The following TASOR variants were observed in gnomAD, a reference collection of about 807,000 sequenced individuals.
TASOR encodes transcription activation suppressor.
TASOR carries 53 observed loss-of-function variants against 178.6 expected under a neutral mutation model. The observed-to-expected ratio is 0.30, with a 90% CI of 0.24 to 0.37. The LOEUF is 0.37. Among genes scored for constraint, TASOR ranks in the 10% least tolerant of loss-of-function variants. TASOR has a pLI of 1.00. For synonymous variants in TASOR, 713 were observed against 696.2 expected, an observed-to-expected ratio of 1.02 and a Z score of -0.38; for missense variants, 1,815 against 1,971.4, an observed-to-expected ratio of 0.92 and a Z score of 1.50.
At chr3:56,658,656 C>G (rs1049082070) in intron 11 of TASOR, among the ~76,000 whole-genome samples, 7 of 152,110 alleles carry the variant, frequency 4.6e-5, no homozygotes, top group Non-Finnish European at 7.4e-5. Context: ...GTGGCTCACC[C>G]AACACTTTGG....
Position 56,624,894 on chromosome 3 carries a change from C to T in TASOR, c.4252G>A (p.Glu1418Lys), listed in dbSNP as rs777890605. The T allele has an allele frequency of 1.2e-6, 2 of 1,614,148 alleles. No homozygotes were observed. The highest frequency in any genetic ancestry group is 1.7e-6 in the Non-Finnish European group (2 of 1,180,028). The change falls in exon 22 of 24, where the codon GAA (glutamate) becomes AAA (lysine). Residue 1418 changes from glutamate (E) to lysine (K), a missense_variant. By Grantham distance (56) the Glu-to-Lys change is moderately conservative (BLOSUM62 1). Around this residue, in one of 5 missense-constraint regions of TASOR, gnomAD observed 134 missense variants for 195.2 expected, o/e 0.69. Transcript: ENST00000683822. ...TGAAGTCTGATAAGGCAATCCAATT[C>T]TGGAGCATTTCGAGTTTGTGAATCA... The part of the protein sequence containing the change: ...NCDSQTRNAP[E>K]LDCLIRLQAQ...
At chr3:56,669,860 T>C (rs1013450975) in intron 4 of TASOR, 69 bp from the exon 5 acceptor site, 9 of 1,173,400 alleles carry the variant, frequency 7.7e-6, no homozygotes, top group Middle Eastern at 2.0e-4. Context: ...AAATAAGACA[T>C]TTTTAAGAAG....
Position 56,633,912 on chromosome 3 carries a change from G to C in TASOR, c.2879C>G (p.Pro960Arg). 2 of 1,568,518 alleles carry C rather than the reference G, an allele frequency of 1.3e-6. No individual in the cohort carries two copies. Among genetic ancestry groups the C allele is most frequent in the Non-Finnish European group, 1.7e-6 (2 of 1,155,962 alleles). The stretch of plus-strand genomic sequence containing the variant: ...TCTATTTATTACCCGGGGGTCGTTA[G>C]GAAAGGCCTCCTGTGGTGGCACACA... ...LVCVPPQEAF[P>R]NDPRVINRQR... The change falls in exon 18 of 24, where the codon CCT (proline) becomes CGT (arginine). Residue 960 changes from proline to arginine, a missense_variant. Physicochemically the swap from Pro to Arg is moderately radical, Grantham distance 103. Coordinates refer to ENST00000683822, the MANE Select transcript of TASOR (RefSeq NM_001365635.2).
intron 6 of TASOR, among the ~76,000 whole-genome samples, chr3:56,667,914 A>T (rs17216754): frequency 0.049 from 7,475 of 152,330 alleles, 192 homozygotes; most frequent in East Asian, 0.091. Flanking sequence ...CTTAAAAAAT[A>T]GTTCTAGGTT....
In TASOR at chr3:56,621,166, A is replaced by AAAC. The variant is rs1457899481; in HGVS notation, c.*1868_*1870dup. 6.5e-6 allele frequency: 1 copy of AAAC among 154,700 alleles called. No individual in the cohort carries two copies. Among genetic ancestry groups the AAAC allele is most frequent in the Non-Finnish European group, 1.4e-5 (1 of 71,064 alleles). 9.6% of individuals were successfully genotyped at this position (154,700 alleles called of 1,614,324 possible). A position where few individuals can be genotyped will look rare whatever the true frequency, so the allele number is the denominator to read the frequency against. ...AGAGCGAGACTCCATCTCCAAAAAA[A>AAAC]AACAAAACAACAACAACAAAAAAAA... is the stretch of plus-strand genomic sequence containing the variant. On this transcript the variant is annotated 3_prime_UTR_variant, in exon 24 of 24. Coordinates refer to ENST00000683822, the MANE Select transcript of TASOR (RefSeq NM_001365635.2).
At chr3:56,641,237 G>A (rs13089332) in intron 15 of TASOR, 112 bp downstream of exon 15, 45,307 of 1,073,706 alleles carry the variant, frequency 0.042, 1,115 homozygotes, top group Middle Eastern at 0.065. Flanking sequence ...TTACTCAAAA[G>A]TGCATTTTAT....
rs2031304621 is a variant in TASOR, at chr3:56,676,411, T to C, written c.332-2686A>G. Among the ~76,000 whole-genome samples, 4 of 152,238 alleles carry C rather than the reference T, an allele frequency of 2.6e-5. No individual in the cohort carries two copies. In the South Asian group the frequency reaches 8.3e-4, roughly 32 times the overall value. On this transcript the variant is annotated intron_variant, in intron 1 of 23. Coordinates refer to ENST00000683822, the MANE Select transcript of TASOR (RefSeq NM_001365635.2). Reference sequence around the variant, plus strand: ...CATATATTGTCTTCATTCAAACCTGTGTTATGGAACGTAGGACAAAAACAT... The same window carrying C: ...CATATATTGTCTTCATTCAAACCTGCGTTATGGAACGTAGGACAAAAACAT...
chr3:56,624,948 G>T lies in TASOR; in HGVS notation c.4198C>A (p.Leu1400Met). 1 of 1,614,148 alleles carries T rather than the reference G, an allele frequency of 6.2e-7. No homozygotes were observed. The highest frequency in any genetic ancestry group is 1.1e-5 in the South Asian group (1 of 91,080). The change falls in exon 22 of 24, where the codon CTG (leucine) becomes ATG (methionine). Residue 1400 changes from leucine to methionine, a missense_variant. By Grantham distance (15) the Leu-to-Met change is conservative. This residue lies in a region of TASOR where 134 missense variants were observed against 195.2 expected (regional missense o/e 0.69). Transcript: ENST00000683822. Reference sequence around the variant, plus strand: ...TTGTGGTATGACAAAATTTCAACCAGATGTTTCTTCTGATAGACATTCAGA... The same window carrying T: ...TTGTGGTATGACAAAATTTCAACCATATGTTTCTTCTGATAGACATTCAGA... ...TLLNVYQKKH[L>M]VEILSYHNCD...
chr3:56,626,343 G>C (rs1019625514), intron 21 of TASOR, among the ~76,000 whole-genome samples: 1 of 152,108 alleles, frequency 6.6e-6, no homozygotes, highest in Non-Finnish European at 1.5e-5. Flanking sequence ...CACTTCACCA[G>C]GTCAAGATTA....
At chr3:56,628,988 G>T (rs1184011699) in intron 18 of TASOR, 2 of 148,724 alleles carry the variant, frequency 1.3e-5, no homozygotes, top group African/African-American at 5.1e-5. Context: ...GCCCAAGCTG[G>T]TCTTAAATTC....
In TASOR at chr3:56,656,523, G is replaced by A. The variant is rs973264894; in HGVS notation, c.1368+4208C>T. On this transcript the variant is annotated intron_variant, in intron 11 of 23. Coordinates refer to ENST00000683822, the MANE Select transcript of TASOR (RefSeq NM_001365635.2). Reference sequence around the variant, plus strand: ...GGAGAATTCCTTGAACCTGGGAGGCGGAGGTTGCAGTGAGCTGAGATCACA... The same window carrying A: ...GGAGAATTCCTTGAACCTGGGAGGCAGAGGTTGCAGTGAGCTGAGATCACA... 7.2e-5 allele frequency among the ~76,000 whole-genome samples: 11 copies of A among 152,120 alleles called. 1 individual carries two copies. Among genetic ancestry groups the A allele is most frequent in the Admixed American group, 1.3e-4 (2 of 15,270 alleles).
intron 17 of TASOR, among the ~76,000 whole-genome samples, chr3:56,634,393 G>T (rs1215105698): frequency 6.6e-6 from 1 of 152,188 alleles, no homozygotes; most frequent in East Asian, 1.9e-4. Context: ...AGAATTCTGA[G>T]TGTAAGGCAA....
At chr3:56,665,707 G>T (rs1473011491) in intron 7 of TASOR, among the ~76,000 whole-genome samples, 4 of 151,940 alleles carry the variant, frequency 2.6e-5, no homozygotes, top group Non-Finnish European at 5.9e-5. Flanking sequence ...TGCGGTGGCT[G>T]ACGCCTGTAA....
intron 11 of TASOR, among the ~76,000 whole-genome samples, chr3:56,657,921 A>C (rs2077507500): frequency 6.6e-6 from 1 of 152,230 alleles, no homozygotes; most frequent in South Asian, 2.1e-4. Context: ...TGTAGTATGC[A>C]GCTACTCAGG....
chr3:56,664,477 T>A (rs1025329821), intron 7 of TASOR: 3 of 152,234 alleles, frequency 2.0e-5, no homozygotes, highest in African/African-American at 7.2e-5. Flanking sequence ...GGATACTATG[T>A]CAATTGGTAC....
In TASOR at chr3:56,623,346, A is replaced by C. The variant is rs754916293; in HGVS notation, c.4704T>G (p.Ser1568=). Residue 1568 remains serine, a synonymous_variant, in exon 24 of 24, where the codon TCT becomes TCG. Transcript: ENST00000683822. ...CTATATCAATAGAAGTTCTCTCTTC[A>C]GAATCAAGGTAAGTCTTATCTTCTA... ...SLLEDKTYLD[S]EERTSIDIVC... 1 of 1,613,620 alleles carries C rather than the reference A, an allele frequency of 6.2e-7. No individual in the cohort carries two copies.
chr3:56,683,208 G>GGAGCCGCTCCTCC lies in TASOR; in HGVS notation c.-215_-203dup. 1.9e-6 allele frequency: 1 copy of GGAGCCGCTCCTCC among 525,450 alleles called. No individual in the cohort carries two copies. Among genetic ancestry groups the GGAGCCGCTCCTCC allele is most frequent in the Non-Finnish European group, 3.3e-6 (1 of 303,790 alleles). The allele number at this position is 525,450 out of a possible 1,614,324, so 32.5% of individuals were successfully genotyped here. On this transcript the variant is annotated 5_prime_UTR_variant, in exon 1 of 24. Coordinates refer to ENST00000683822, the MANE Select transcript of TASOR (RefSeq NM_001365635.2). ...ACCCCAAATGCGCTGCCCGGTCCTC[G>GGAGCCGCTCCTCC]GAGCCGCTCCTCCCTCGGGCAGTTC...
chr3:56,641,524 T>C lies in TASOR; in HGVS notation c.2444A>G (p.Glu815Gly), dbSNP rs758680514. ...YEELRQKHEYELNSTPDKKDY... is the reference protein window; with the variant it reads ...YEELRQKHEYGLNSTPDKKDY... ...TTTCTTATCTGGGGTAGAGTTCAACTCATACTCATGTTTTTGCCTCAGCTC... is the reference window on the plus strand; with the variant it reads ...TTTCTTATCTGGGGTAGAGTTCAACCCATACTCATGTTTTTGCCTCAGCTC... Residue 815 changes from glutamate to glycine, a missense_variant, in exon 15 of 24, where the codon GAG becomes GGG. Glu to Gly is a moderately conservative substitution (Grantham distance 98). Transcript: ENST00000683822. 2 of 1,614,180 alleles carry C rather than the reference T, an allele frequency of 1.2e-6. No homozygotes were observed. The highest frequency in any genetic ancestry group is 2.2e-5 in the South Asian group (2 of 91,086).
intron 17 of TASOR, among the ~76,000 whole-genome samples, chr3:56,635,550 G>A (rs1005979425): frequency 1.3e-5 from 2 of 152,180 alleles, no homozygotes; most frequent in African/African-American, 2.4e-5. Context: ...CTTGAATTAC[G>A]TATCATGTCA....
Sources: allele counts gnomAD v4.1 joint callset (sites outside exome capture counted in the v4.1 genomes callset), GRCh38; gene constraint gnomAD v4.1.1; regional missense constraint gnomAD v4.1.1; transcripts MANE v1.5; gene names NCBI Gene and HGNC (gene_info 2026-07-23, HGNC 2026-07-21).